Variants in PITPNA observed in about 807,000 individuals in gnomAD.
PITPNA encodes phosphatidylinositol transfer protein alpha, also known as phosphatidylinositol transfer protein alpha isoform.
In PITPNA, 13 loss-of-function variants were observed where a neutral mutation model predicts 50.3. The observed-to-expected ratio is 0.26, with a 90% CI of 0.17 to 0.41. The LOEUF is 0.41. Among genes scored for constraint, PITPNA ranks in the 10% least tolerant of loss-of-function variants. PITPNA has a pLI of 1.00. For synonymous variants in PITPNA, 120 were observed against 119.6 expected, an observed-to-expected ratio of 1.00 and a Z score of -0.02; for missense variants, 207 against 333.4, an observed-to-expected ratio of 0.62 and a Z score of 2.95.
chr17:1,534,334 G>A, intron 9 of PITPNA, 113 bp from the exon 10 acceptor site: 1 of 1,325,630 alleles, frequency 7.5e-7, no homozygotes. Flanking sequence ...CGGGCGGACA[G>A]GAGGAGGAGT....
At chr17:1,558,421 A>T in intron 2 of PITPNA, 108 bp downstream of exon 2, 1 of 719,768 alleles carries the variant, frequency 1.4e-6, no homozygotes, top group Non-Finnish European at 2.4e-6. Flanking sequence ...TATTTATGTT[A>T]GAACAAATAA....
chr17:1,539,702 A>G (rs1222344654), intron 6 of PITPNA, among the ~76,000 whole-genome samples: 1 of 152,124 alleles, frequency 6.6e-6, no homozygotes, highest in Non-Finnish European at 1.5e-5. Context: ...CCTCCTGAGG[A>G]GCTGGGACTA....
intron 1 of PITPNA, among the ~76,000 whole-genome samples, chr17:1,560,385 GGATGCCCT>G (rs149888820): frequency 0.32 from 48,108 of 151,680 alleles, 8,268 homozygotes; most frequent in African/African-American, 0.45. Flanking sequence ...CCAGTGTCTC[GGATGCCCT>G]GATGCCCCTG....
intron 3 of PITPNA, among the ~76,000 whole-genome samples, chr17:1,550,495 T>C (rs2075702575): frequency 6.6e-6 from 1 of 151,784 alleles, no homozygotes; most frequent in Non-Finnish European, 1.5e-5. Flanking sequence ...GGTGGGGAAT[T>C]CAAGGAGACA....
chr17:1,533,188 T>C (rs983885065), intron 10 of PITPNA, among the ~76,000 whole-genome samples: 3 of 152,224 alleles, frequency 2.0e-5, no homozygotes, highest in Non-Finnish European at 4.4e-5. Context: ...CAGAGCTTCC[T>C]GCCTTATCAT....
chr17:1,528,039 A>G (rs1235380864), intron 10 of PITPNA, among the ~76,000 whole-genome samples: 1 of 152,164 alleles, frequency 6.6e-6, no homozygotes, highest in Non-Finnish European at 1.5e-5. Context: ...AAAATTTTAA[A>G]AATTAGGTAG....
At chr17:1,543,844 C>A (rs1338533930) in intron 4 of PITPNA, among the ~76,000 whole-genome samples, 1 of 152,202 alleles carries the variant, frequency 6.6e-6, no homozygotes, top group Non-Finnish European at 1.5e-5. Flanking sequence ...GAAGGAAGCA[C>A]CAGATTAAGA....
chr17:1,559,945 T>A (rs2075759623), intron 1 of PITPNA: 1 of 184,876 alleles, frequency 5.4e-6, no homozygotes, highest in Non-Finnish European at 1.0e-5. Context: ...TACTCCCAAC[T>A]TGGAGGCCAG....
At chr17:1,538,829 T>C in intron 7 of PITPNA, 40 bp downstream of exon 7, 1 of 1,290,242 alleles carries the variant, frequency 7.8e-7, no homozygotes, top group Non-Finnish European at 1.1e-6. Flanking sequence ...AAGTCATTTC[T>C]GCGTCTCGAA....
Position 1,538,965 on chromosome 17 carries a change from G to C in PITPNA, c.373-13C>G. ...CCAGCTTATGCACCTGTGGGAACAA[G>C]TGGGGAACCACTATGCAGTTTTTGT... On this transcript the variant is annotated splice_polypyrimidine_tract_variant and intron_variant, in intron 6 of 11. Transcript: ENST00000313486. 2 of 1,592,260 alleles carry C rather than the reference G, an allele frequency of 1.3e-6. No homozygotes were observed. The highest frequency in any genetic ancestry group is 1.7e-6 in the Non-Finnish European group (2 of 1,160,300).
At chr17:1,543,304 G>C (rs959383221) in intron 4 of PITPNA, among the ~76,000 whole-genome samples, 3 of 152,132 alleles carry the variant, frequency 2.0e-5, no homozygotes, top group Non-Finnish European at 2.9e-5. Context: ...GCAGGGCACT[G>C]ACAGGGACCA....
At chr17:1,522,378 CT>C (rs909893206) in intron 10 of PITPNA, among the ~76,000 whole-genome samples, 5 of 150,308 alleles carry the variant, frequency 3.3e-5, no homozygotes, top group Non-Finnish European at 5.9e-5. Flanking sequence ...GCCGAAACAT[CT>C]TTTTTTGTGT....
chr17:1,524,764 G>A (rs551596962), intron 10 of PITPNA, among the ~76,000 whole-genome samples: 74 of 151,654 alleles, frequency 4.9e-4, no homozygotes, highest in African/African-American at 1.6e-3. Flanking sequence ...CAGGAGAATC[G>A]TTTGAACCCG....
intron 10 of PITPNA, among the ~76,000 whole-genome samples, chr17:1,529,165 G>GAGAGAGAC (rs1165637024): frequency 4.1e-5 from 6 of 144,634 alleles, no homozygotes; most frequent in Non-Finnish European, 9.0e-5. Flanking sequence ...AAGAGAGAGA[G>GAGAGAGAC]AGACTCCATG....
At chr17:1,530,772 TAAC>T (rs2075576929) in intron 10 of PITPNA, among the ~76,000 whole-genome samples, 1 of 152,166 alleles carries the variant, frequency 6.6e-6, no homozygotes, top group East Asian at 1.9e-4. Flanking sequence ...AAGAGCCAGT[TAAC>T]AACCTTTTGG....
chr17:1,526,441 T>G (rs1456878785), intron 10 of PITPNA, among the ~76,000 whole-genome samples: 1 of 152,250 alleles, frequency 6.6e-6, no homozygotes, highest in African/African-American at 2.4e-5. Flanking sequence ...CAGGAGTTCT[T>G]GGCACTGTTC....
chr17:1,553,181 A>G, intron 2 of PITPNA, 32 bp from the exon 3 acceptor site: 1 of 1,611,516 alleles, frequency 6.2e-7, no homozygotes, highest in Non-Finnish European at 8.5e-7. Flanking sequence ...TATTCTCAAC[A>G]CGGACCCTTC....
In PITPNA at chr17:1,562,790, CG is replaced by C. The variant is rs2075775566; in HGVS notation, c.-231del. On this transcript the variant is annotated 5_prime_UTR_variant, in exon 1 of 12. Coordinates refer to ENST00000313486, the MANE Select transcript of PITPNA (RefSeq NM_006224.4). This position sits in a 1 kb window ranked among gnomAD's most constrained non-coding sequence, Gnocchi z 6.4. The stretch of plus-strand genomic sequence containing the variant: ...CCGGAGCTCCGGTTCCGCAGCGCCG[CG>C]CGGGGGCGGGGCGTCTCTGCGGCAA... 1 of 156,018 alleles carries C rather than the reference CG, an allele frequency of 6.4e-6. No homozygotes were observed. Among genetic ancestry groups the C allele is most frequent in the African/African-American group, 2.4e-5 (1 of 41,442 alleles). The allele number at this position is 156,018 out of a possible 1,614,324, so 9.7% of individuals were successfully genotyped here.
chr17:1,544,050 C>T (rs1460166603), intron 4 of PITPNA, among the ~76,000 whole-genome samples: 1 of 152,212 alleles, frequency 6.6e-6, no homozygotes, highest in Non-Finnish European at 1.5e-5. Context: ...GGCAGCAGTG[C>T]CAGGATGGCC....
Sources: gnomAD v4.1 joint callset for allele counts (sites outside exome capture counted in the v4.1 genomes callset) on GRCh38, gnomAD v4.1.1 for gene constraint, Gnocchi (gnomAD v3.1) non-coding constraint, MANE v1.5 for transcripts, NCBI Gene and HGNC (gene_info 2026-07-23, HGNC 2026-07-21) for gene names.